The following PDE10A variants were observed in gnomAD, a reference collection of about 807,000 sequenced individuals.
The protein encoded by PDE10A is cAMP and cAMP-inhibited cGMP 3',5'-cyclic phosphodiesterase 10A.
Under a neutral mutation model 97.7 loss-of-function variants are expected in PDE10A, and 39 were observed. The observed-to-expected ratio is 0.40, with a 90% confidence interval of 0.31 to 0.52. The LOEUF (loss-of-function observed/expected upper bound fraction) is 0.52, where lower values mean the gene tolerates loss of function less well. Ranked by LOEUF, PDE10A falls within the 20% of genes least tolerant of loss-of-function variation. PDE10A has a pLI of 0.56. For missense variants in PDE10A, 731 were observed against 1,047.8 expected (o/e 0.70, Z 4.17); for synonymous variants, 371 against 376.8 (o/e 0.98, Z 0.18).
At chr6:165,718,840 A>G (rs1226904610) in intron 1 of PDE10A, among the ~76,000 whole-genome samples, 2 of 152,250 alleles carry the variant, frequency 1.3e-5, no homozygotes, top group Admixed American at 6.5e-5. Flanking sequence ...AAAGCTTCCA[A>G]CAAGAATGAC....
chr6:165,609,754 C>A (rs1787400106), intron 1 of PDE10A, among the ~76,000 whole-genome samples: 1 of 152,168 alleles, frequency 6.6e-6, no homozygotes, highest in African/African-American at 2.4e-5. Flanking sequence ...AACTCCCATT[C>A]ACAATTGCTT....
Position 165,605,159 on chromosome 6 carries a change from C to T in PDE10A, c.865+56788G>A, listed in dbSNP as rs1787148290. On this transcript the variant is annotated intron_variant, in intron 1 of 21. Coordinates refer to ENST00000539869, the MANE Select transcript of PDE10A (RefSeq NM_001385079.1). ...CTGAATTTAAGCCTTCATCATCTCT[C>T]TCTACAGCGGTCCACCAGTTGGCTT... 2.0e-5 allele frequency among the ~76,000 whole-genome samples: 3 copies of T among 152,178 alleles called. No individual in the cohort carries two copies. In the South Asian group the frequency reaches 6.2e-4, roughly 31 times the overall value.
rs537695861 is a variant in PDE10A at position 165,826,608 on chromosome 6, T to C, written c.-615+160921A>G. Among the ~76,000 whole-genome samples the C allele has an allele frequency of 2.0e-5, 3 of 151,024 alleles. No homozygotes were observed. The East Asian group carries it at 5.8e-4, about 29-fold the overall frequency. ...GTATGTACCCACAGCCCAGTCCTTG[T>C]GGTTCTGCTGGAACCATAGGGGTGG... On this transcript the variant is annotated intron_variant, in intron 1 of 19. Transcript: ENST00000366882.
At chr6:165,406,449 T>C (rs1282938126) in intron 13 of PDE10A, among the ~76,000 whole-genome samples, 1 of 152,178 alleles carries the variant, frequency 6.6e-6, no homozygotes, top group East Asian at 1.9e-4. Context: ...TAATTCTCCT[T>C]GGAAGTATGT....
chr6:165,709,305 G>T (rs1791822159), intron 1 of PDE10A, among the ~76,000 whole-genome samples: 1 of 125,400 alleles, frequency 8.0e-6, no homozygotes. Flanking sequence ...CCATGCTGCG[G>T]CGCTCTCCCC....
intron 2 of PDE10A, among the ~76,000 whole-genome samples, chr6:165,498,610 ACATTACTCTAT>A (rs1484213591): frequency 6.6e-6 from 1 of 152,048 alleles, no homozygotes; most frequent in Non-Finnish European, 1.5e-5. Flanking sequence ...TGGCTATCAC[ACATTACTCTAT>A]CAGCAGAGAT....
chr6:165,824,727 C>T (rs1313483678), intron 1 of PDE10A, among the ~76,000 whole-genome samples: 1 of 152,104 alleles, frequency 6.6e-6, no homozygotes, highest in Non-Finnish European at 1.5e-5. Context: ...AGCTTCATGT[C>T]ATGTTTTTCT....
intron 1 of PDE10A, among the ~76,000 whole-genome samples, chr6:165,881,392 C>CTTTTTT (rs68159417): frequency 2.9e-4 from 31 of 107,002 alleles, no homozygotes; most frequent in African/African-American, 5.2e-4. Context: ...TTTTTCTTTT[C>CTTTTTT]TTTTTTTTTT....
At chr6:165,708,714 A>C (rs1582967827) in intron 1 of PDE10A, among the ~76,000 whole-genome samples, 57 of 121,240 alleles carry the variant, frequency 4.7e-4, no homozygotes, top group South Asian at 1.2e-3. Context: ...ACCACTCTCT[A>C]CCCCCATGCT....
chr6:165,361,712 ACT>A (rs1783438668), intron 18 of PDE10A, among the ~76,000 whole-genome samples: 1 of 152,148 alleles, frequency 6.6e-6, no homozygotes, highest in African/African-American at 2.4e-5. Context: ...TTGGAGTGAT[ACT>A]CTCATAGACT....
intron 1 of PDE10A, among the ~76,000 whole-genome samples, chr6:165,816,019 A>G (rs1303899724): frequency 6.6e-6 from 1 of 151,406 alleles, no homozygotes. Flanking sequence ...GCGTGATCTC[A>G]ACTCACTGCA....
At chr6:165,938,594 A>C (rs1278316604) in intron 1 of PDE10A, among the ~76,000 whole-genome samples, 1 of 152,108 alleles carries the variant, frequency 6.6e-6, no homozygotes, top group Non-Finnish European at 1.5e-5. Context: ...AACCCCAAAA[A>C]ACGCACCTGG....
intron 1 of PDE10A, among the ~76,000 whole-genome samples, chr6:165,563,179 G>A (rs529567621): frequency 6.7e-6 from 1 of 148,396 alleles, no homozygotes; most frequent in East Asian, 2.0e-4. Flanking sequence ...GAGGGGAGGG[G>A]GAGGGGCAGG....
At chr6:165,465,649 C>T (rs221737) in intron 3 of PDE10A, among the ~76,000 whole-genome samples, 116,791 of 152,114 alleles carry the variant, frequency 0.77, 45,225 homozygotes, top group Middle Eastern at 0.89. Context: ...GAAGGTACCA[C>T]GTCACAGAGC....
intron 1 of PDE10A, among the ~76,000 whole-genome samples, chr6:165,751,207 T>C (rs74416603): frequency 0.016 from 2,482 of 152,270 alleles, 29 homozygotes; most frequent in Middle Eastern, 0.027. Flanking sequence ...GCCTTCGGTG[T>C]TTTCTGCAGG....
intron 10 of PDE10A, among the ~76,000 whole-genome samples, chr6:165,424,079 G>A (rs1583257107): frequency 1.3e-5 from 2 of 152,114 alleles, no homozygotes; most frequent in East Asian, 3.9e-4. Flanking sequence ...TTCTACACAG[G>A]AGCACACTGT....
intron 1 of PDE10A, among the ~76,000 whole-genome samples, chr6:165,841,217 A>G (rs1324679528): frequency 6.6e-6 from 1 of 152,180 alleles, no homozygotes; most frequent in Non-Finnish European, 1.5e-5. Context: ...ACTGGTGAAA[A>G]TCGATACATT....
chr6:165,537,901 T>G (rs1364539965), intron 2 of PDE10A, among the ~76,000 whole-genome samples: 1 of 150,528 alleles, frequency 6.6e-6, no homozygotes, highest in Non-Finnish European at 1.5e-5. Context: ...CAAAAACGTG[T>G]TTTTTTCTTA....
intron 13 of PDE10A, among the ~76,000 whole-genome samples, chr6:165,412,271 G>A (rs1263550974): frequency 6.6e-6 from 1 of 151,972 alleles, no homozygotes; most frequent in African/African-American, 2.4e-5. Context: ...TAAACATAAT[G>A]CCAAATTTTC....
Sources: gnomAD v4.1 joint callset for allele counts (sites outside exome capture counted in the v4.1 genomes callset) on GRCh38, gnomAD v4.1.1 for gene constraint, MANE v1.5 for transcripts, NCBI Gene and HGNC (gene_info 2026-07-23, HGNC 2026-07-21) for gene names.